The following EPHA6 variants were observed in gnomAD, a reference collection of about 807,000 sequenced individuals.
EPHA6 encodes the protein EPH receptor A6.
A neutral mutation model predicts 112.0 loss-of-function variants in EPHA6; 50 were observed. The ratio of observed to expected loss-of-function variants is 0.45; its 90% CI spans 0.36 to 0.56. The LOEUF is 0.56. Ranked by LOEUF, EPHA6 falls within the 20% of genes least tolerant of loss-of-function variation. The probability of loss-of-function intolerance (pLI) is 0.00; values close to 1 mark genes in which losing one functional copy is unlikely to be tolerated. For missense variants in EPHA6, 1,280 were observed against 1,417.4 expected (o/e 0.90, Z 1.56); for synonymous variants, 529 against 490.7 (o/e 1.08, Z -1.03).
At chr3:96,924,698 A>G (rs1318625425) in intron 2 of EPHA6, among the ~76,000 whole-genome samples, 2 of 152,108 alleles carry the variant, frequency 1.3e-5, no homozygotes, top group Non-Finnish European at 1.5e-5. Flanking sequence ...GAGAGAGGGC[A>G]TCCTTGTCTT....
chr3:97,131,234 G>A (rs1475961664), intron 3 of EPHA6, among the ~76,000 whole-genome samples: 1 of 152,020 alleles, frequency 6.6e-6, no homozygotes, highest in Non-Finnish European at 1.5e-5. Flanking sequence ...TGGTATGTAT[G>A]GAGATTTTCA....
chr3:97,690,790 T>C (rs2032613709), intron 14 of EPHA6, among the ~76,000 whole-genome samples: 1 of 152,198 alleles, frequency 6.6e-6, no homozygotes, highest in Non-Finnish European at 1.5e-5. Context: ...TAAATTGAGC[T>C]ATTTGTCTTT....
At chr3:97,566,825 C>T (rs1453574914) in intron 11 of EPHA6, among the ~76,000 whole-genome samples, 3 of 152,174 alleles carry the variant, frequency 2.0e-5, no homozygotes, top group Non-Finnish European at 4.4e-5. Flanking sequence ...TGAGGCTAAA[C>T]ATCTACCCTA....
chr3:97,310,220 CAAAT>C (rs2081492281), intron 5 of EPHA6, among the ~76,000 whole-genome samples: 1 of 151,434 alleles, frequency 6.6e-6, no homozygotes, highest in African/African-American at 2.4e-5. Context: ...AAACCCAACT[CAAAT>C]AAGTTTATTC....
chr3:97,160,157 G>C (rs1262095154), intron 3 of EPHA6, among the ~76,000 whole-genome samples: 1 of 152,096 alleles, frequency 6.6e-6, no homozygotes, highest in Non-Finnish European at 1.5e-5. Context: ...TAATGACAAG[G>C]TGGCCGGGAA....
chr3:97,142,729 C>A (rs1279475326), intron 3 of EPHA6, among the ~76,000 whole-genome samples: 1 of 151,708 alleles, frequency 6.6e-6, no homozygotes, highest in African/African-American at 2.4e-5. Context: ...CCCAATCTTA[C>A]CAGACTATCT....
chr3:97,255,599 T>G (rs2079284542), intron 5 of EPHA6, among the ~76,000 whole-genome samples: 2 of 152,214 alleles, frequency 1.3e-5, no homozygotes, highest in South Asian at 4.1e-4. Context: ...ATAGCTTCTT[T>G]TATATGACTA....
At chr3:97,024,009 T>G (rs1458681192) in intron 3 of EPHA6, among the ~76,000 whole-genome samples, 1 of 152,196 alleles carries the variant, frequency 6.6e-6, no homozygotes, top group Non-Finnish European at 1.5e-5. Context: ...TTTTCTCTTT[T>G]TACTTAGAGG....
chr3:97,064,230 AATTT>A (rs2046111430), intron 3 of EPHA6, among the ~76,000 whole-genome samples: 2 of 152,138 alleles, frequency 1.3e-5, no homozygotes, highest in South Asian at 4.1e-4. Context: ...TAGAATCCTC[AATTT>A]ATTTGAACCA....
intron 5 of EPHA6, among the ~76,000 whole-genome samples, chr3:97,326,467 C>T (rs1056867737): frequency 1.3e-5 from 2 of 151,672 alleles, no homozygotes; most frequent in Admixed American, 6.6e-5. Flanking sequence ...GGGAAAATGA[C>T]TTAATCATGA....
intron 3 of EPHA6, among the ~76,000 whole-genome samples, chr3:97,209,267 TGTG>T (rs1317668552): frequency 1.3e-5 from 2 of 152,044 alleles, no homozygotes; most frequent in Non-Finnish European, 2.9e-5. Context: ...AAGAGATAAA[TGTG>T]GTAATTATTA....
intron 3 of EPHA6, among the ~76,000 whole-genome samples, chr3:97,068,744 G>A (rs1203608246): frequency 6.6e-6 from 1 of 152,026 alleles, no homozygotes; most frequent in African/African-American, 2.4e-5. Context: ...GATCATGCGG[G>A]TAGAACACTC....
At chr3:97,726,581 C>T (rs1312636928) in intron 15 of EPHA6, among the ~76,000 whole-genome samples, 1 of 152,096 alleles carries the variant, frequency 6.6e-6, no homozygotes, top group Non-Finnish European at 1.5e-5. Context: ...TTGCCAGAAA[C>T]ATTTCACAAG....
At chr3:97,103,662 G>C (rs1433744268) in intron 3 of EPHA6, among the ~76,000 whole-genome samples, 3 of 151,478 alleles carry the variant, frequency 2.0e-5, no homozygotes, top group Non-Finnish European at 4.4e-5. Flanking sequence ...TAGTTTTGTT[G>C]TTGTTATTGT....
rs76551307 is a variant in EPHA6, at chr3:97,161,230, A to G, written c.1115-65034A>G. Among the ~76,000 whole-genome samples the G allele has an allele frequency of 1.3e-4, 20 of 152,264 alleles. No homozygotes were observed. In the East Asian group the frequency reaches 3.7e-3, roughly 28 times the overall value. On this transcript the variant is annotated intron_variant, in intron 3 of 17. Coordinates refer to ENST00000389672, the MANE Select transcript of EPHA6 (RefSeq NM_001080448.3). ...AGTGTTCGGTCTCTACTAAGTCCCA[A>G]CATTAGGCCAAAAGCTGTTTCTCAA... is the stretch of plus-strand genomic sequence containing the variant.
chr3:97,361,068 G>A (rs1480541685), intron 5 of EPHA6, among the ~76,000 whole-genome samples: 1 of 152,086 alleles, frequency 6.6e-6, no homozygotes, highest in Non-Finnish European at 1.5e-5. Context: ...CCATCCAATG[G>A]AGATCAAGGA....
intron 3 of EPHA6, among the ~76,000 whole-genome samples, chr3:96,988,591 T>C (rs1178152806): frequency 6.6e-6 from 1 of 152,188 alleles, no homozygotes; most frequent in African/African-American, 2.4e-5. Flanking sequence ...GATTCATGTA[T>C]ATTTTATTTC....
At chr3:96,855,668 AT>A (rs1488740773) in intron 1 of EPHA6, among the ~76,000 whole-genome samples, 2 of 150,406 alleles carry the variant, frequency 1.3e-5, no homozygotes, top group Non-Finnish European at 2.9e-5. Flanking sequence ...AAACTGATAA[AT>A]TTTCTTTGAA....
At chr3:97,706,593 C>T (rs1049950468) in intron 14 of EPHA6, among the ~76,000 whole-genome samples, 5 of 152,190 alleles carry the variant, frequency 3.3e-5, no homozygotes, top group African/African-American at 1.2e-4. Flanking sequence ...ATTTCTTGGA[C>T]ATGAGACGCT....
Sources: allele counts gnomAD v4.1 joint callset (sites outside exome capture counted in the v4.1 genomes callset), GRCh38; gene constraint gnomAD v4.1.1; transcripts MANE v1.5; gene names NCBI Gene and HGNC (gene_info 2026-07-23, HGNC 2026-07-21).